PARP11: variants seen among roughly 807,000 people sequenced by gnomAD.
PARP11 encodes the protein protein mono-ADP-ribosyltransferase PARP11.
PARP11 carries 31 observed loss-of-function variants against 42.9 expected under a neutral mutation model. That is an observed-to-expected ratio of 0.72 (90% CI 0.54 to 0.98). PARP11 has a LOEUF of 0.98. Among genes scored for constraint, PARP11 ranks in the 50% least tolerant of loss-of-function variants. The pLI, the probability that PARP11 is intolerant of heterozygous loss-of-function variation, is 0.00. For synonymous variants in PARP11, 137 were observed against 127.3 expected, an observed-to-expected ratio of 1.08 and a Z score of -0.51; for missense variants, 365 against 413.1, an observed-to-expected ratio of 0.88 and a Z score of 1.01.
chr12:3,842,816 T>G (rs1947920695), intron 1 of PARP11, among the ~76,000 whole-genome samples: 1 of 152,196 alleles, frequency 6.6e-6, no homozygotes, highest in Admixed American at 6.5e-5. Flanking sequence ...CATTATAGAT[T>G]TAGTGTTTGG....
chr12:3,865,403 T>C (rs546896069), intron 1 of PARP11, among the ~76,000 whole-genome samples: 32 of 152,312 alleles, frequency 2.1e-4, no homozygotes, highest in Admixed American at 3.3e-4. Context: ...AAGTTTGTTA[T>C]ACTGTTGCTC....
chr12:3,818,266 T>G (rs963306882), intron 6 of PARP11, among the ~76,000 whole-genome samples: 1 of 152,224 alleles, frequency 6.6e-6, no homozygotes, highest in African/African-American at 2.4e-5. Flanking sequence ...CTTCATTCGC[T>G]GTAGGTGACC....
chr12:3,862,307 G>A (rs149598747), intron 1 of PARP11, among the ~76,000 whole-genome samples: 1 of 152,010 alleles, frequency 6.6e-6, no homozygotes, highest in African/African-American at 2.4e-5. Context: ...TTAAAAATTA[G>A]CTGGGCATGG....
intron 4 of PARP11, among the ~76,000 whole-genome samples, chr12:3,823,619 TGCA>T (rs1330576360): frequency 6.6e-6 from 1 of 152,190 alleles, no homozygotes; most frequent in Admixed American, 6.5e-5. Flanking sequence ...TTTTTGCTAC[TGCA>T]TTAAGAAAGC....
chr12:3,858,536 G>A (rs1045298674), intron 1 of PARP11, among the ~76,000 whole-genome samples: 1 of 152,072 alleles, frequency 6.6e-6, no homozygotes, highest in Non-Finnish European at 1.5e-5. Context: ...ATGCTTCCTC[G>A]CCCCTATAGG....
intron 1 of PARP11, among the ~76,000 whole-genome samples, chr12:3,854,865 T>G (rs1948164939): frequency 6.6e-6 from 1 of 152,030 alleles, no homozygotes; most frequent in South Asian, 2.1e-4. Context: ...CTGATGAACA[T>G]CAACGCAAAA....
In PARP11 at chr12:3,812,236, C is replaced by T. The variant is rs747777856; in HGVS notation, c.904G>A (p.Gly302Arg). 1.5e-5 allele frequency: 24 copies of T among 1,614,002 alleles called. No individual in the cohort carries two copies. Among genetic ancestry groups the T allele is most frequent in the Non-Finnish European group, 2.0e-5 (24 of 1,180,020 alleles). Residue 302 changes from glycine (G) to arginine (R), a missense_variant, in exon 8 of 8, where the codon GGG becomes AGG. Transcript: ENST00000228820. Reference sequence around the variant, plus strand: ...CTGTCATATAAATTCACATAGCTCCCGTCTTTGGAAGGAGGTCGCATGTAT... The same window carrying T: ...CTGTCATATAAATTCACATAGCTCCTGTCTTTGGAAGGAGGTCGCATGTAT... ...SKYMRPPSKD[G>R]SYVNLYDSCV...
At position 3,828,839 on chromosome 12, in the gene PARP11, G is replaced by T. The variant is rs1947580597; in HGVS notation, c.268+71C>A. On this transcript the variant is annotated intron_variant, in intron 3 of 7. Transcript: ENST00000228820. ...GTTTGCAAATATATCAACTAATCCT[G>T]ACCTTCAGAGCTGTAGATTTTATCA... is the stretch of plus-strand genomic sequence containing the variant. 11 of 1,359,516 alleles carry T rather than the reference G, an allele frequency of 8.1e-6. No individual in the cohort carries two copies. In the South Asian group the frequency reaches 1.4e-4, roughly 17 times the overall value. The allele number at this position is 1,359,516 out of a possible 1,614,324, so 84.2% of individuals were successfully genotyped here. A position where few individuals can be genotyped will look rare whatever the true frequency, so the allele number is the denominator to read the frequency against.
rs909495712 is a variant in PARP11 at position 3,809,136 on chromosome 12, C to G, written c.*2987G>C. On this transcript the variant is annotated 3_prime_UTR_variant, in exon 8 of 8. Transcript: ENST00000228820. ...ATTTATCATTATTCTAGGTTTATGT[C>G]TATTCATTCTCCCCACCCACTCTAT... 3 of 152,048 alleles carry G rather than the reference C, an allele frequency of 2.0e-5. No homozygotes were observed. Among genetic ancestry groups the G allele is most frequent in the Non-Finnish European group, 4.4e-5 (3 of 68,014 alleles). 9.4% of individuals were successfully genotyped at this position (152,048 alleles called of 1,614,324 possible). A position where few individuals can be genotyped will look rare whatever the true frequency, so the allele number is the denominator to read the frequency against.
At chr12:3,869,495 C>A (rs11062885) in intron 1 of PARP11, among the ~76,000 whole-genome samples, 42,764 of 152,100 alleles carry the variant, frequency 0.28, 7,739 homozygotes, top group Non-Finnish European at 0.4. Context: ...TGCACTGTGT[C>A]CCAGCCACAT....
At position 3,873,218 on chromosome 12, in the gene PARP11, C is replaced by T; in HGVS notation, c.12G>A (p.Ala4=). The T allele has an allele frequency of 1.3e-6, 2 of 1,496,448 alleles. No homozygotes were observed. Among genetic ancestry groups the T allele is most frequent in the South Asian group, 2.4e-5 (2 of 83,236 alleles). 92.7% of individuals were successfully genotyped at this position (1,496,448 alleles called of 1,614,324 possible). A position where few individuals can be genotyped will look rare whatever the true frequency, so the allele number is the denominator to read the frequency against. Residue 4 remains alanine (A), a synonymous_variant, in exon 1 of 8, where the codon GCG becomes GCA. Transcript: ENST00000228820. ...GTCCCGCCCGGCTACTCACTGGATT[C>T]GCTTCCCACATAACGGTGACAAAAT... MWE[A]NPEMFHKAEE...
intron 1 of PARP11, among the ~76,000 whole-genome samples, chr12:3,830,657 A>G (rs1228869448): frequency 6.6e-6 from 1 of 152,138 alleles, no homozygotes; most frequent in Non-Finnish European, 1.5e-5. Context: ...AATAATAGTA[A>G]CCTTTATATT....
chr12:3,840,657 C>A lies in PARP11; in HGVS notation c.19-10639G>T. 8.4e-7 allele frequency: 1 copy of A among 1,197,320 alleles called. No homozygotes were observed. Among genetic ancestry groups the A allele is most frequent in the Non-Finnish European group, 1.3e-6 (1 of 799,432 alleles). The allele number at this position is 1,197,320 out of a possible 1,614,324, so 74.2% of individuals were successfully genotyped here. ...AGCAATCCATGTGTCCAGAGAAAATCATCACACGTAAGTGATAGAAAAGGA... is the reference window on the plus strand; with the variant it reads ...AGCAATCCATGTGTCCAGAGAAAATAATCACACGTAAGTGATAGAAAAGGA... On this transcript the variant is annotated intron_variant, in intron 1 of 7. Transcript: ENST00000228820. This position sits in a 1 kb window ranked among gnomAD's most constrained non-coding sequence, Gnocchi z 4.4.
At chr12:3,838,902 G>A (rs1209803018) in intron 1 of PARP11, among the ~76,000 whole-genome samples, 2 of 152,158 alleles carry the variant, frequency 1.3e-5, no homozygotes, top group East Asian at 1.9e-4. Context: ...GTGCGCGCCT[G>A]GGGCGGGGCT....
chr12:3,821,967 C>T lies in PARP11; in HGVS notation c.454G>A (p.Glu152Lys), dbSNP rs376223375. Residue 152 changes from glutamate (E) to lysine (K), a missense_variant, in exon 6 of 8, where the codon GAA becomes AAA. Coordinates refer to ENST00000228820, the MANE Select transcript of PARP11 (RefSeq NM_020367.6). The part of the protein sequence containing the change: ...PLHNQTHEYN[E>K]VANLFGKTMD... ...GTCTTCCCAAAGAGATTAGCAACTT[C>T]ATTATATTCATGTGTTTGATTGTGC... 2.4e-5 allele frequency: 39 copies of T among 1,610,272 alleles called. No individual in the cohort carries two copies. The highest frequency in any genetic ancestry group is 3.2e-5 in the Non-Finnish European group (38 of 1,178,882).
chr12:3,847,614 A>C (rs1313130091), intron 1 of PARP11, among the ~76,000 whole-genome samples: 1 of 152,218 alleles, frequency 6.6e-6, no homozygotes, highest in African/African-American at 2.4e-5. Context: ...CATTTGATAA[A>C]ATTCAACATC....
intron 1 of PARP11, among the ~76,000 whole-genome samples, chr12:3,845,391 G>A (rs1440078345): frequency 6.6e-6 from 1 of 152,188 alleles, no homozygotes; most frequent in African/African-American, 2.4e-5. Flanking sequence ...GCAGTGTGTT[G>A]TTTCCTTTGT....
At chr12:3,839,368 A>T (rs1401594353) in intron 1 of PARP11, 4 of 1,540,564 alleles carry the variant, frequency 2.6e-6, no homozygotes, top group Non-Finnish European at 3.5e-6. Context: ...CGAGGACGCG[A>T]CGCCCATGGA....
At chr12:3,850,193 CCT>C (rs1253574563) in intron 1 of PARP11, among the ~76,000 whole-genome samples, 3 of 151,926 alleles carry the variant, frequency 2.0e-5, no homozygotes, top group Non-Finnish European at 4.4e-5. Flanking sequence ...CTTGTTCTCC[CCT>C]TTTTTCTATC....
Sources: allele counts gnomAD v4.1 joint callset (sites outside exome capture counted in the v4.1 genomes callset), GRCh38; gene constraint gnomAD v4.1.1; non-coding constraint Gnocchi (gnomAD v3.1); transcripts MANE v1.5; gene names NCBI Gene and HGNC (gene_info 2026-07-23, HGNC 2026-07-21).